The following ST14 variants were observed in gnomAD, a reference collection of about 807,000 sequenced individuals.
ST14 encodes the protein suppressor of tumorigenicity 14 protein.
Under a neutral mutation model 96.5 loss-of-function variants are expected in ST14, and 40 were observed. The observed-to-expected ratio is 0.41, with a 90% CI of 0.32 to 0.54. The LOEUF is 0.54. Ranked by LOEUF, ST14 falls within the 20% of genes least tolerant of loss-of-function variation. The pLI, the probability that ST14 is intolerant of heterozygous loss-of-function variation, is 0.17. For missense variants in ST14, 1,066 were observed against 1,188.9 expected (o/e 0.90, Z 1.52); for synonymous variants, 506 against 492.1 (o/e 1.03, Z -0.37).
chr11:130,193,693 C>T (rs899196724), intron 7 of ST14, among the ~76,000 whole-genome samples: 3 of 152,228 alleles, frequency 2.0e-5, no homozygotes, highest in Non-Finnish European at 2.9e-5. Context: ...CGGTCTCGAA[C>T]TCCTGACCTC....
intron 5 of ST14, 79 bp downstream of exon 5, chr11:130,189,975 G>A (rs1481869177): frequency 1.4e-5 from 22 of 1,611,260 alleles, no homozygotes; most frequent in African/African-American, 4.0e-5. Context: ...CCATTGCAGG[G>A]GACCGGCACT....
intron 1 of ST14, among the ~76,000 whole-genome samples, chr11:130,176,647 C>G (rs1953141051): frequency 6.6e-6 from 1 of 152,044 alleles, no homozygotes; most frequent in Admixed American, 6.6e-5. Context: ...CTCGGCCTCC[C>G]AAAGTGCTGG....
chr11:130,195,983 C>G (rs951895662), intron 9 of ST14, among the ~76,000 whole-genome samples: 29 of 151,960 alleles, frequency 1.9e-4, no homozygotes, highest in African/African-American at 6.8e-4. Context: ...ATGGTGAAAC[C>G]CCATCTCTAC....
intron 1 of ST14, among the ~76,000 whole-genome samples, chr11:130,164,118 G>C (rs73046962): frequency 1.4e-3 from 213 of 152,360 alleles, no homozygotes; most frequent in Non-Finnish European, 2.2e-3. Context: ...TAAAAGAGAA[G>C]TTGTCTTTGG....
At position 130,173,384 on chromosome 11, in the gene ST14, G is replaced by C. The variant is rs185708856; in HGVS notation, c.81+13324G>C. On this transcript the variant is annotated intron_variant, in intron 1 of 18. Coordinates refer to ENST00000278742, the MANE Select transcript of ST14 (RefSeq NM_021978.4). ...AGGCCGAGGAGAGCAGATCACCTGA[G>C]GTCAGGAGTCGAGACCAGCCTGGCC... Among the ~76,000 whole-genome samples the C allele has an allele frequency of 6.6e-5, 10 of 152,222 alleles. No individual in the cohort carries two copies. The East Asian group carries it at 1.7e-3, about 26-fold the overall frequency.
In ST14 at chr11:130,198,601, A is replaced by T. The variant is rs1204604815; in HGVS notation, c.1664A>T (p.Asp555Val). 6.2e-7 allele frequency: 1 copy of T among 1,613,874 alleles called. No homozygotes were observed. The highest frequency in any genetic ancestry group is 8.5e-7 in the Non-Finnish European group (1 of 1,179,984). ...AAGGACGACTGTGGGGACGGGTCCGACGAGGCCTCCTGCCCCAAGGGTGAG... is the reference window on the plus strand; with the variant it reads ...AAGGACGACTGTGGGGACGGGTCCGTCGAGGCCTCCTGCCCCAAGGGTGAG... ...NGKDDCGDGS[D>V]EASCPKVNVV... is the part of the protein sequence containing the mutation. Residue 555 changes from aspartate to valine, a missense_variant, in exon 14 of 19, where the codon GAC becomes GTC. Asp to Val is a radical substitution (Grantham distance 152). Coordinates refer to ENST00000278742, the MANE Select transcript of ST14 (RefSeq NM_021978.4).
At chr11:130,176,309 G>A (rs1238269536) in intron 1 of ST14, among the ~76,000 whole-genome samples, 1 of 151,642 alleles carries the variant, frequency 6.6e-6, no homozygotes, top group African/African-American at 2.4e-5. Flanking sequence ...TCTCTGCAGG[G>A]GGTTCCCTTG....
intron 1 of ST14, among the ~76,000 whole-genome samples, chr11:130,164,694 C>T (rs1215208088): frequency 6.6e-6 from 1 of 151,090 alleles, no homozygotes; most frequent in Non-Finnish European, 1.5e-5. Context: ...GCTGGGACTA[C>T]AAGTGTGAGC....
At chr11:130,160,144 C>T in intron 1 of ST14, 84 bp downstream of exon 1, 1 of 958,902 alleles carries the variant, frequency 1.0e-6, no homozygotes, top group Non-Finnish European at 1.4e-6. Flanking sequence ...GGCCGGCTCC[C>T]CTGGCGTGTC....
In ST14 at chr11:130,196,824, C is replaced by A. The variant is rs1021684207; in HGVS notation, c.1354+124C>A. 1.6e-4 allele frequency: 234 copies of A among 1,447,182 alleles called. 2 individuals are homozygous for A. The African/African-American group carries it at 2.3e-3, about 14-fold the overall frequency. 89.6% of individuals were successfully genotyped at this position (1,447,182 alleles called of 1,614,324 possible). On this transcript the variant is annotated intron_variant, in intron 11 of 18. Transcript: ENST00000278742. ...TGCTGGAGAATGTAAGAGCATCTCA[C>A]CCCTCCCGTAGCTTTGGGAGGAAAA...
chr11:130,201,572 C>G (rs1479129129), intron 16 of ST14, among the ~76,000 whole-genome samples: 7 of 152,254 alleles, frequency 4.6e-5, no homozygotes, highest in Non-Finnish European at 5.9e-5. Flanking sequence ...GGGTGCTTGA[C>G]ACGTGGCTTT....
intron 1 of ST14, among the ~76,000 whole-genome samples, chr11:130,183,103 T>TGTG (rs1486455543): frequency 6.6e-6 from 1 of 151,844 alleles, no homozygotes; most frequent in Non-Finnish European, 1.5e-5. Flanking sequence ...ATTACAGGCG[T>TGTG]CCACGACCAC....
intron 7 of ST14, among the ~76,000 whole-genome samples, chr11:130,192,081 C>T (rs901034539): frequency 1.3e-5 from 2 of 152,206 alleles, no homozygotes; most frequent in African/African-American, 2.4e-5. Context: ...CAGGGTGGGG[C>T]GTACCTCGCA....
chr11:130,180,123 A>G (rs1004054120), intron 1 of ST14, among the ~76,000 whole-genome samples: 1 of 152,288 alleles, frequency 6.6e-6, no homozygotes, highest in South Asian at 2.1e-4. Flanking sequence ...CTTGGCCACA[A>G]ATCAGTGGCA....
At chr11:130,201,190 G>A (rs1347448749) in intron 16 of ST14, among the ~76,000 whole-genome samples, 3 of 152,254 alleles carry the variant, frequency 2.0e-5, no homozygotes, top group East Asian at 1.9e-4. Flanking sequence ...GCACAATGCC[G>A]GGCTGCGCTA....
chr11:130,168,107 A>G (rs1169890983), intron 1 of ST14, among the ~76,000 whole-genome samples: 1 of 152,250 alleles, frequency 6.6e-6, no homozygotes, highest in African/African-American at 2.4e-5. Flanking sequence ...ATAAGCTTTC[A>G]TCGAGGGAAC....
In ST14 at chr11:130,198,225, A is replaced by G. The variant is rs544398389; in HGVS notation, c.1460-83A>G. 2.3e-5 allele frequency: 30 copies of G among 1,328,786 alleles called. No individual in the cohort carries two copies. In the East Asian group the frequency reaches 6.2e-4, roughly 27 times the overall value. The allele number at this position is 1,328,786 out of a possible 1,614,324, so 82.3% of individuals were successfully genotyped here. On this transcript the variant is annotated intron_variant, in intron 12 of 18. Coordinates refer to ENST00000278742, the MANE Select transcript of ST14 (RefSeq NM_021978.4). ...CTCTGTAGATCAGAAAGCGGTCCCC[A>G]GGTAGCTCTGATCGCCTGGGCATCC...
At position 130,208,592 on chromosome 11, in the gene ST14, TG is replaced by T; in HGVS notation, c.2179del (p.Val727CysfsTer35). ...ELEKPAEYSS[M>X]VRPICLPDAS... ...GAGAAACCGGCAGAGTACAGCTCCA[TG>T]GTGCGGCCCATCTGCCTGCCGGACG... On this transcript the variant is annotated frameshift_variant, in exon 17 of 19. Coordinates refer to ENST00000278742, the MANE Select transcript of ST14 (RefSeq NM_021978.4). LOFTEE classifies it high-confidence loss of function. 6.2e-7 allele frequency: 1 copy of T among 1,614,170 alleles called. No homozygotes were observed. Among genetic ancestry groups the T allele is most frequent in the Non-Finnish European group, 8.5e-7 (1 of 1,180,014 alleles).
At chr11:130,171,805 T>C (rs1312774291) in intron 1 of ST14, among the ~76,000 whole-genome samples, 1 of 152,208 alleles carries the variant, frequency 6.6e-6, no homozygotes, top group East Asian at 1.9e-4. Flanking sequence ...CCATACATAA[T>C]CATATACTTA....
Sources: gnomAD v4.1 joint callset for allele counts (sites outside exome capture counted in the v4.1 genomes callset) on GRCh38, gnomAD v4.1.1 for gene constraint, MANE v1.5 for transcripts, NCBI Gene and HGNC (gene_info 2026-07-23, HGNC 2026-07-21) for gene names.